The following SYT1 variants were observed in gnomAD, a reference collection of about 807,000 sequenced individuals.
The protein encoded by SYT1 is synaptotagmin-1.
Under a neutral mutation model 44.8 loss-of-function variants are expected in SYT1, and 8 were observed. The ratio of observed to expected loss-of-function variants is 0.18; its 90% CI spans 0.10 to 0.32. The LOEUF (loss-of-function observed/expected upper bound fraction) is 0.32, where lower values mean the gene tolerates loss of function less well. Ranked by LOEUF, SYT1 falls within the 10% of genes least tolerant of loss-of-function variation. The pLI, the probability that SYT1 is intolerant of heterozygous loss-of-function variation, is 1.00. For synonymous variants in SYT1, 154 were observed against 188.8 expected (o/e 0.82, Z 1.51); for missense variants, 286 against 509.3 (o/e 0.56, Z 4.22).
intron 9 of SYT1, among the ~76,000 whole-genome samples, chr12:79,370,999 TC>T (rs150853394): frequency 0.018 from 2,760 of 152,224 alleles, 75 homozygotes; most frequent in African/African-American, 0.059. Context: ...TTTTATTTTT[TC>T]CTTAAGATAA....
chr12:79,088,783 T>G (rs1877573478), intron 3 of SYT1, among the ~76,000 whole-genome samples: 1 of 150,982 alleles, frequency 6.6e-6, no homozygotes, highest in Non-Finnish European at 1.5e-5. Flanking sequence ...TGTGTGTATG[T>G]GTGTGTGTGT....
At chr12:79,025,624 GATAT>G (rs1356561736) in intron 2 of SYT1, among the ~76,000 whole-genome samples, 1 of 151,256 alleles carries the variant, frequency 6.6e-6, no homozygotes, top group East Asian at 1.9e-4. Context: ...GCATATATAT[GATAT>G]ATGTATGTAT....
chr12:79,011,112 G>T (rs1871380773), intron 2 of SYT1, among the ~76,000 whole-genome samples: 1 of 152,156 alleles, frequency 6.6e-6, no homozygotes. Context: ...AATATAATAT[G>T]AAACTTTACT....
intron 3 of SYT1, among the ~76,000 whole-genome samples, chr12:79,113,674 A>G (rs551511244): frequency 3.9e-5 from 6 of 152,242 alleles, no homozygotes; most frequent in East Asian, 3.9e-4. Flanking sequence ...TTCAGATTCC[A>G]TGCTGACTTT....
chr12:79,240,403 AGGGT>A (rs1280658007), intron 4 of SYT1, among the ~76,000 whole-genome samples: 1 of 152,100 alleles, frequency 6.6e-6, no homozygotes, highest in Non-Finnish European at 1.5e-5. Context: ...GTATTTTTGC[AGGGT>A]TAGCAGCAGC....
chr12:79,410,826 CA>C (rs35244798), intron 9 of SYT1, among the ~76,000 whole-genome samples: 7 of 151,800 alleles, frequency 4.6e-5, no homozygotes, highest in African/African-American at 1.7e-4. Flanking sequence ...GGGGCTGTAT[CA>C]AAAAAAAGTC....
chr12:79,076,325 G>A (rs550487123), intron 3 of SYT1, among the ~76,000 whole-genome samples: 9 of 152,224 alleles, frequency 5.9e-5, no homozygotes, highest in African/African-American at 1.9e-4. Flanking sequence ...GAAGGTGACC[G>A]TGACCTTCTT....
intron 1 of SYT1, among the ~76,000 whole-genome samples, chr12:78,967,411 C>CTT (rs1868273838): frequency 6.6e-6 from 1 of 151,898 alleles, no homozygotes; most frequent in Non-Finnish European, 1.5e-5. Flanking sequence ...CATATATAGG[C>CTT]AATAACATGA....
intron 3 of SYT1, among the ~76,000 whole-genome samples, chr12:79,093,315 A>C (rs1877904626): frequency 6.6e-6 from 1 of 151,798 alleles, no homozygotes; most frequent in African/African-American, 2.4e-5. Context: ...GTTACTGTTA[A>C]ATTCATTTAA....
At chr12:78,875,285 TACAGAAATA>T (rs368898252) in intron 1 of SYT1, among the ~76,000 whole-genome samples, 118 of 151,734 alleles carry the variant, frequency 7.8e-4, no homozygotes, top group African/African-American at 2.7e-3. Context: ...ATGCTGGGGA[TACAGAAATA>T]AAAATAGTAG....
At chr12:79,010,961 G>A (rs1871370661) in intron 2 of SYT1, among the ~76,000 whole-genome samples, 1 of 152,138 alleles carries the variant, frequency 6.6e-6, no homozygotes, top group African/African-American at 2.4e-5. Context: ...GAAGGACAGA[G>A]GTGTCTTGGT....
intron 9 of SYT1, among the ~76,000 whole-genome samples, chr12:79,370,791 TA>T (rs1180572407): frequency 6.6e-6 from 1 of 151,464 alleles, no homozygotes; most frequent in Non-Finnish European, 1.5e-5. Context: ...AAATAAAAAA[TA>T]AAAATAAAAG....
Position 79,179,229 on chromosome 12 carries a change from G to GAT in SYT1, c.-17-38270_-17-38269dup, listed in dbSNP as rs1244451062. 6.2e-3 allele frequency among the ~76,000 whole-genome samples: 227 copies of GAT among 36,398 alleles called. 54 individuals are homozygous for GAT. The highest frequency in any genetic ancestry group is 0.03 in the African/African-American group (155 of 5,206). 23.9% of individuals were successfully genotyped at this position (36,398 alleles called of 152,430 possible). ...ATATAGATATAGATATATAGATATA[G>GAT]ATATAGATATATAGATATAGATATA... is the stretch of plus-strand genomic sequence containing the variant. On this transcript the variant is annotated intron_variant, in intron 3 of 10. Coordinates refer to ENST00000261205, the MANE Select transcript of SYT1 (RefSeq NM_005639.3).
intron 1 of SYT1, among the ~76,000 whole-genome samples, chr12:78,886,086 T>C (rs1173646399): frequency 6.6e-6 from 1 of 151,974 alleles, no homozygotes; most frequent in Non-Finnish European, 1.5e-5. Flanking sequence ...TAACATGTTA[T>C]ATGTACTTCC....
chr12:79,180,393 T>C (rs868062230), intron 3 of SYT1, among the ~76,000 whole-genome samples: 10 of 152,014 alleles, frequency 6.6e-5, no homozygotes, highest in African/African-American at 2.4e-4. Context: ...CCTCAACATA[T>C]GTAATCATTT....
At chr12:79,213,040 T>C (rs1874555584) in intron 3 of SYT1, among the ~76,000 whole-genome samples, 2 of 152,192 alleles carry the variant, frequency 1.3e-5, no homozygotes, top group African/African-American at 4.8e-5. Flanking sequence ...TTTATATTAA[T>C]ATGTCCTTTA....
chr12:79,064,971 A>AGAAAGAAG (rs1437805135), intron 3 of SYT1, among the ~76,000 whole-genome samples: 6 of 149,232 alleles, frequency 4.0e-5, no homozygotes, highest in African/African-American at 1.5e-4. Flanking sequence ...AAAGAAAGAA[A>AGAAAGAAG]GAAAGAAAGA....
At chr12:78,892,445 A>G (rs1185526232) in intron 1 of SYT1, among the ~76,000 whole-genome samples, 1 of 151,774 alleles carries the variant, frequency 6.6e-6, no homozygotes, top group Admixed American at 6.6e-5. Context: ...TCAGTAATAT[A>G]AAATAGAGAA....
At chr12:78,871,478 G>C (rs532656852) in intron 1 of SYT1, among the ~76,000 whole-genome samples, 36 of 152,010 alleles carry the variant, frequency 2.4e-4, no homozygotes, top group African/African-American at 8.4e-4. Flanking sequence ...ACAAACAGTG[G>C]ACATGGTCCT....
Sources: gnomAD v4.1 joint callset for allele counts (sites outside exome capture counted in the v4.1 genomes callset) on GRCh38, gnomAD v4.1.1 for gene constraint, MANE v1.5 for transcripts, NCBI Gene and HGNC (gene_info 2026-07-23, HGNC 2026-07-21) for gene names.